PHC3: variants seen among roughly 807,000 people sequenced by gnomAD.
PHC3 encodes polyhomeotic-like protein 3.
Under a neutral mutation model 107.4 loss-of-function variants are expected in PHC3, and 13 were observed. The ratio of observed to expected loss-of-function variants is 0.12; its 90% CI spans 0.08 to 0.19. The LOEUF is 0.19. Among genes scored for constraint, PHC3 ranks in the 10% least tolerant of loss-of-function variants. The pLI, the probability that PHC3 is intolerant of heterozygous loss-of-function variation, is 1.00. For missense variants in PHC3, 992 were observed against 1,210.9 expected (o/e 0.82, Z 2.68); for synonymous variants, 456 against 427.4 (o/e 1.07, Z -0.83).
intron 4 of PHC3, among the ~76,000 whole-genome samples, chr3:170,166,798 G>A (rs1728810584): frequency 6.6e-6 from 1 of 152,036 alleles, no homozygotes; most frequent in South Asian, 2.1e-4. Context: ...TTGAGCAGCT[G>A]GGACTGCAGG....
intron 4 of PHC3, among the ~76,000 whole-genome samples, chr3:170,169,214 A>G (rs945783076): frequency 7.2e-5 from 11 of 151,860 alleles, no homozygotes; most frequent in Non-Finnish European, 1.3e-4. Flanking sequence ...TCCCACTCCT[A>G]CTCTAAGCCC....
intron 11 of PHC3, among the ~76,000 whole-genome samples, chr3:170,112,377 A>T (rs1175069254): frequency 7.8e-6 from 1 of 128,400 alleles, no homozygotes; most frequent in Non-Finnish European, 1.6e-5. Context: ...GGCCCAGCTA[A>T]TTTATATATA....
intron 7 of PHC3, 134 bp from the exon 8 acceptor site, chr3:170,129,686 G>T: frequency 9.3e-6 from 9 of 965,152 alleles, no homozygotes; most frequent in Non-Finnish European, 1.4e-5. Flanking sequence ...CCAAACAAGA[G>T]TAATTTGAAA....
chr3:170,103,743 G>A (rs1002996752), intron 12 of PHC3, among the ~76,000 whole-genome samples: 1 of 152,188 alleles, frequency 6.6e-6, no homozygotes, highest in African/African-American at 2.4e-5. Context: ...CCACTGTAGT[G>A]TGAAAGCAGC....
In PHC3 at chr3:170,097,214, AG is replaced by A; in HGVS notation, c.*15del. 6.3e-7 allele frequency: 1 copy of A among 1,584,414 alleles called. No homozygotes were observed. Among genetic ancestry groups the A allele is most frequent in the Non-Finnish European group, 8.6e-7 (1 of 1,160,678 alleles). On this transcript the variant is annotated 3_prime_UTR_variant, in exon 15 of 15. Coordinates refer to ENST00000495893, the MANE Select transcript of PHC3 (RefSeq NM_024947.4). The surrounding 1 kb of genome is among the most constrained non-coding windows in gnomAD (Gnocchi z 4.1). ...GAAAAGTAAAACTGCTGTTTTATCAAGGCTTCATGTTCCTGTTAAGATTCCT... is the reference window on the plus strand; with the variant it reads ...GAAAAGTAAAACTGCTGTTTTATCAAGCTTCATGTTCCTGTTAAGATTCCT...
chr3:170,140,010 G>C (rs910798129), intron 6 of PHC3, among the ~76,000 whole-genome samples: 1 of 151,918 alleles, frequency 6.6e-6, no homozygotes, highest in Non-Finnish European at 1.5e-5. Flanking sequence ...CACTGTTATA[G>C]AGGGCTTCCC....
rs2108227390 is a variant in PHC3, at chr3:170,092,333, A to G, written c.*4897T>C. On this transcript the variant is annotated 3_prime_UTR_variant, in exon 15 of 15. Transcript: ENST00000495893. ...TTTCTTTTAAGATATACAGCTTAAC[A>G]AGTTGAAATTTTAGTAAGATTGCAT... The G allele has an allele frequency of 7.0e-6, 1 of 143,546 alleles. No individual in the cohort carries two copies. Among genetic ancestry groups the G allele is most frequent in the Admixed American group, 7.1e-5 (1 of 13,996 alleles). 8.9% of individuals were successfully genotyped at this position (143,546 alleles called of 1,614,324 possible). A position where few individuals can be genotyped will look rare whatever the true frequency, so the allele number is the denominator to read the frequency against.
intron 6 of PHC3, among the ~76,000 whole-genome samples, chr3:170,138,202 CAAAT>C (rs1476027266): frequency 6.6e-6 from 1 of 151,492 alleles, no homozygotes; most frequent in Non-Finnish European, 1.5e-5. Context: ...CTCAAAAAAA[CAAAT>C]AAATAAATAA....
intron 12 of PHC3, among the ~76,000 whole-genome samples, chr3:170,106,498 T>C (rs1716548258): frequency 6.6e-6 from 1 of 152,190 alleles, no homozygotes; most frequent in African/African-American, 2.4e-5. Context: ...TATATAATCA[T>C]GATGAAATCG....
At chr3:170,176,113 C>A (rs1307876285) in intron 2 of PHC3, among the ~76,000 whole-genome samples, 1 of 150,302 alleles carries the variant, frequency 6.7e-6, no homozygotes, top group Non-Finnish European at 1.5e-5. Flanking sequence ...GTAGTCCCAG[C>A]TGTTCTGGAG....
intron 2 of PHC3, among the ~76,000 whole-genome samples, chr3:170,175,625 A>C (rs1429205406): frequency 1.3e-5 from 2 of 148,274 alleles, no homozygotes; most frequent in South Asian, 2.1e-4. Flanking sequence ...GGAGAGAAGA[A>C]AAAAAAAAAA....
chr3:170,120,247 T>C (rs913238911), intron 9 of PHC3, among the ~76,000 whole-genome samples: 1 of 152,186 alleles, frequency 6.6e-6, no homozygotes, highest in Admixed American at 6.5e-5. Context: ...AAAGATTTAA[T>C]ACTATAAACT....
At chr3:170,160,906 C>CA (rs1191393576) in intron 4 of PHC3, among the ~76,000 whole-genome samples, 4 of 150,576 alleles carry the variant, frequency 2.7e-5, no homozygotes, top group Admixed American at 6.6e-5. Flanking sequence ...GACTCAGTCT[C>CA]AAAAAAACAA....
chr3:170,181,662 C>A (rs375169248), intron 1 of PHC3, 40 bp downstream of exon 1: 27 of 1,613,070 alleles, frequency 1.7e-5, no homozygotes, highest in South Asian at 2.2e-5. Context: ...CCCAACTCGC[C>A]CCCCCTAGTT....
chr3:170,165,753 CA>C (rs1201987701), intron 4 of PHC3, among the ~76,000 whole-genome samples: 3,241 of 41,126 alleles, frequency 0.079, 16 homozygotes, highest in East Asian at 0.17. Context: ...GACCTTGTCT[CA>C]AAAAAAAAAA....
intron 12 of PHC3, 39 bp from the exon 13 acceptor site, chr3:170,102,973 T>G: frequency 6.4e-7 from 1 of 1,551,350 alleles, no homozygotes; most frequent in Non-Finnish European, 8.8e-7. Flanking sequence ...TAATGATATA[T>G]GGGACAATCC....
At chr3:170,152,742 C>G (rs1226336391) in intron 4 of PHC3, among the ~76,000 whole-genome samples, 1 of 151,816 alleles carries the variant, frequency 6.6e-6, no homozygotes, top group East Asian at 1.9e-4. Context: ...CTCACTGCAG[C>G]CCCAATTTCC....
At chr3:170,100,178 A>C (rs1715245974) in intron 14 of PHC3, among the ~76,000 whole-genome samples, 1 of 152,210 alleles carries the variant, frequency 6.6e-6, no homozygotes, top group African/African-American at 2.4e-5. Context: ...TAAAGAGGGA[A>C]GGAAGCCTAT....
intron 9 of PHC3, among the ~76,000 whole-genome samples, chr3:170,119,900 TA>T (rs961102641): frequency 2.6e-5 from 4 of 151,706 alleles, no homozygotes; most frequent in African/African-American, 4.8e-5. Context: ...AAGTATGAGG[TA>T]AATTAGAGGA....
Sources: allele counts gnomAD v4.1 joint callset (sites outside exome capture counted in the v4.1 genomes callset), GRCh38; gene constraint gnomAD v4.1.1; non-coding constraint Gnocchi (gnomAD v3.1); transcripts MANE v1.5; gene names NCBI Gene and HGNC (gene_info 2026-07-23, HGNC 2026-07-21).